Variants in DVL1 observed in about 807,000 individuals in gnomAD.
DVL1 encodes the protein dishevelled segment polarity protein 1, also known as segment polarity protein dishevelled homolog DVL-1.
A neutral mutation model predicts 65.0 loss-of-function variants in DVL1; 49 were observed. The observed-to-expected ratio is 0.75, with a 90% confidence interval of 0.60 to 0.96. The LOEUF (loss-of-function observed/expected upper bound fraction) is 0.96. Among genes scored for constraint, DVL1 ranks in the 40% least tolerant of loss-of-function variants. The pLI is 0.00. For missense variants in DVL1, 1,197 were observed against 1,045.4 expected, an observed-to-expected ratio of 1.15 and a Z score of -2.00; for synonymous variants, 608 against 433.9, an observed-to-expected ratio of 1.40 and a Z score of -4.99.
rs1643647511 is a variant in DVL1 at position 1,338,107 on chromosome 1, C to T, written c.1584G>A (p.Pro528=). ...CCTGACCCAGAGGCCAGGGGGCAGC[C>T]GGGTGGGGCAGCGGGGCCAGCGTGT... ...DQDTLAPLPH[P]AAPWPLGQGY... Residue 528 remains proline, a synonymous_variant, in exon 14 of 15, where the codon CCG becomes CCA. Transcript: ENST00000378888. 10 of 1,609,358 alleles carry T rather than the reference C, an allele frequency of 6.2e-6. No homozygotes were observed. Among genetic ancestry groups the T allele is most frequent in the African/African-American group, 1.3e-5 (1 of 74,710 alleles).
intron 13 of DVL1, 37 bp downstream of exon 13, chr1:1,338,232 C>T (rs748121596): frequency 1.1e-6 from 1 of 917,140 alleles, no homozygotes; most frequent in Non-Finnish European, 1.7e-6. Context: ...CCGGCGTTCC[C>T]CTCCCCCCCG....
At chr1:1,345,333 G>A (rs997123938) in intron 1 of DVL1, among the ~76,000 whole-genome samples, 1 of 152,226 alleles carries the variant, frequency 6.6e-6, no homozygotes, top group African/African-American at 2.4e-5. Flanking sequence ...CCAGGAGAAA[G>A]GGAGCAGGAC....
chr1:1,347,790 G>C (rs1643940469), intron 1 of DVL1, among the ~76,000 whole-genome samples: 1 of 152,160 alleles, frequency 6.6e-6, no homozygotes, highest in South Asian at 2.1e-4. Context: ...GGGCCGCTGA[G>C]CCGAGTGGGG....
Position 1,336,430 on chromosome 1 carries a change from A to T in DVL1, c.1800T>A (p.Ser600Arg), listed in dbSNP as rs1172160314. The T allele has an allele frequency of 2.5e-6, 4 of 1,592,314 alleles. No homozygotes were observed. The South Asian group carries it at 4.4e-5, about 18-fold the overall frequency. Reference protein sequence around the residue: ...KERRAAGAGGSGSESDHTAPS... With the variant: ...KERRAAGAGGRGSESDHTAPS... ...GTGCCGTGTGATCCGATTCACTGCCACTGCCCCCAGCTCCCGCCGCCCGAC... is the reference window on the plus strand; with the variant it reads ...GTGCCGTGTGATCCGATTCACTGCCTCTGCCCCCAGCTCCCGCCGCCCGAC... Residue 600 changes from serine (S) to arginine (R), a missense_variant, in exon 15 of 15, where the codon AGT (serine) becomes AGA (arginine). Coordinates refer to ENST00000378888, the MANE Select transcript of DVL1 (RefSeq NM_001330311.2).
chr1:1,342,603 C>A, intron 2 of DVL1, 86 bp downstream of exon 2: 1 of 1,584,408 alleles, frequency 6.3e-7, no homozygotes, highest in Non-Finnish European at 8.6e-7. Context: ...GCCAGGGCCT[C>A]CCCACACCCA....
rs1298837957 is a variant in DVL1 at position 1,339,540 on chromosome 1, C to A, written c.1054+42G>T. 9.6e-6 allele frequency: 15 copies of A among 1,570,642 alleles called. No homozygotes were observed. The South Asian group carries it at 1.4e-4, about 15-fold the overall frequency. On this transcript the variant is annotated intron_variant, in intron 10 of 14. Coordinates refer to ENST00000378888, the MANE Select transcript of DVL1 (RefSeq NM_001330311.2). ...GAGAGGCCTTCAGGCTAGGTAGGCG[C>A]CCCCTCCCCATCCCGCCCCGTGTGC...
In DVL1 at chr1:1,349,201, C is replaced by T. The variant is rs1400150948; in HGVS notation, c.-136G>A. On this transcript the variant is annotated 5_prime_UTR_variant, in exon 1 of 15. Transcript: ENST00000378888. This position sits in a 1 kb window ranked among gnomAD's most constrained non-coding sequence, Gnocchi z 4.1. Reference sequence around the variant, plus strand: ...CCCGACGCTCCGAGGCCCCCGGGCGCCCCCGCCCGACCGCCCAGGCCCCGG... The same window carrying T: ...CCCGACGCTCCGAGGCCCCCGGGCGTCCCCGCCCGACCGCCCAGGCCCCGG... The T allele has an allele frequency of 2.2e-6, 1 of 449,020 alleles. No homozygotes were observed. The allele number at this position is 449,020 out of a possible 1,614,324, so 27.8% of individuals were successfully genotyped here.
In DVL1 at chr1:1,336,514, C is replaced by G. The variant is rs773112898; in HGVS notation, c.1716G>C (p.Gly572=). Residue 572 remains glycine (G), a splice_region_variant and synonymous_variant, in exon 15 of 15, where the codon GGG becomes GGC. Coordinates refer to ENST00000378888, the MANE Select transcript of DVL1 (RefSeq NM_001330311.2). ...TCCGGGTGGACCCACTGCTTTTGCT[C>G]CCTGGGAGTGAGAACAGGATGGGGA... ...SGSTGSQQSE[G]SKSSGSTRSS... 8.6e-6 allele frequency: 13 copies of G among 1,509,110 alleles called. No homozygotes were observed. The highest frequency in any genetic ancestry group is 1.1e-5 in the Non-Finnish European group (13 of 1,137,852). The allele number at this position is 1,509,110 out of a possible 1,614,324, so 93.5% of individuals were successfully genotyped here.
At position 1,338,004 on chromosome 1, in the gene DVL1, C is replaced by T. The variant is rs774664222; in HGVS notation, c.1687G>A (p.Gly563Ser). Residue 563 changes from glycine to serine, a missense_variant, in exon 14 of 15, where the codon GGC becomes AGC. Physicochemically the swap from Gly to Ser is moderately conservative, Grantham distance 56. Transcript: ENST00000378888. ...TCACTCTGCTGACTCCCGGTGCTGC[C>T]GCTGCCATAGCTAAAGCCCGGGTCC... ...YQDPGFSYGSGSTGSQQSEGS... is the reference protein window; with the variant it reads ...YQDPGFSYGSSSTGSQQSEGS... 12 of 1,611,676 alleles carry T rather than the reference C, an allele frequency of 7.4e-6. No homozygotes were observed. The highest frequency in any genetic ancestry group is 2.2e-5 in the East Asian group (1 of 44,866).
Position 1,340,095 on chromosome 1 carries a change from C to T in DVL1, c.852G>A (p.Met284Ile), listed in dbSNP as rs1643738341. 6.2e-7 allele frequency: 1 copy of T among 1,613,384 alleles called. No homozygotes were observed. Among genetic ancestry groups the T allele is most frequent in the Non-Finnish European group, 8.5e-7 (1 of 1,180,002 alleles). Reference sequence around the variant, plus strand: ...CGTCAGCGGCCACAGCCCCGCCCTTCATGATGGAGCCAATGTAGATGCCGC... The same window carrying T: ...CGTCAGCGGCCACAGCCCCGCCCTTTATGATGGAGCCAATGTAGATGCCGC... ...GDGGIYIGSI[M>I]KGGAVAADGR... The change falls in exon 8 of 15, where the codon ATG becomes ATA. Residue 284 changes from methionine to isoleucine, a missense_variant. Physicochemically the swap from Met to Ile is conservative, Grantham distance 10 (BLOSUM62 1). Coordinates refer to ENST00000378888, the MANE Select transcript of DVL1 (RefSeq NM_001330311.2).
intron 14 of DVL1, chr1:1,337,054 G>A (rs1643601598): frequency 2.3e-5 from 23 of 988,608 alleles, no homozygotes; most frequent in Non-Finnish European, 2.6e-5. Context: ...TTCAGTCTAA[G>A]GCTTGTTTAG....
chr1:1,338,229 T>TGCCC, intron 13 of DVL1, 40 bp downstream of exon 13: 2 of 1,522,354 alleles, frequency 1.3e-6, no homozygotes, highest in Non-Finnish European at 1.8e-6. Flanking sequence ...CCTCCGGCGT[T>TGCCC]CCCCTCCCCC....
chr1:1,336,387 T>C lies in DVL1; in HGVS notation c.1843A>G (p.Ser615Gly), dbSNP rs779242416. 6 of 1,598,956 alleles carry C rather than the reference T, an allele frequency of 3.8e-6. No individual in the cohort carries two copies. The highest frequency in any genetic ancestry group is 1.7e-4 in the Middle Eastern group (1 of 6,038). The change falls in exon 15 of 15, where the codon AGC becomes GGC. Residue 615 changes from serine (S) to glycine (G), a missense_variant. Physicochemically the swap from Ser to Gly is moderately conservative, Grantham distance 56 (BLOSUM62 0). Coordinates refer to ENST00000378888, the MANE Select transcript of DVL1 (RefSeq NM_001330311.2). ...TGGCCGGCCGGACGCTCTCGCCAGC[T>C]GCTCCCCACCCCACTCGGTGCCGTG... ...DHTAPSGVGS[S>G]WRERPAGQLS...
chr1:1,343,945 G>A (rs1184222618), intron 1 of DVL1, among the ~76,000 whole-genome samples: 1 of 152,190 alleles, frequency 6.6e-6, no homozygotes, highest in Non-Finnish European at 1.5e-5. Context: ...TGGGAACGGG[G>A]CAGAGGGCAC....
intron 14 of DVL1, 60 bp downstream of exon 14, chr1:1,337,917 T>G (rs1284395402): frequency 3.0e-6 from 4 of 1,341,404 alleles, no homozygotes; most frequent in African/African-American, 1.5e-5. Context: ...GGAGCAGCAG[T>G]GGAGTGGGGC....
intron 1 of DVL1, among the ~76,000 whole-genome samples, chr1:1,344,048 G>A (rs3889966): frequency 0.17 from 26,264 of 152,086 alleles, 3,968 homozygotes; most frequent in East Asian, 0.79. Flanking sequence ...CAACCCACAC[G>A]GCACAGAGGG....
chr1:1,344,257 G>A lies in DVL1; in HGVS notation c.171-1499C>T, dbSNP rs146019859. Among the ~76,000 whole-genome samples, 40 of 152,336 alleles carry A rather than the reference G, an allele frequency of 2.6e-4. 1 individual carries two copies. Among genetic ancestry groups the A allele is most frequent in the African/African-American group, 8.4e-4 (35 of 41,582 alleles). Reference sequence around the variant, plus strand: ...AGTGGAGAAATAGGAGCCCGGAGACGGGGCTTGGCCTGGCCGCACACCTGG... The same window carrying A: ...AGTGGAGAAATAGGAGCCCGGAGACAGGGCTTGGCCTGGCCGCACACCTGG... On this transcript the variant is annotated intron_variant, in intron 1 of 14. Coordinates refer to ENST00000378888, the MANE Select transcript of DVL1 (RefSeq NM_001330311.2).
intron 1 of DVL1, among the ~76,000 whole-genome samples, chr1:1,347,356 C>T (rs1038260822): frequency 6.6e-6 from 1 of 152,166 alleles, no homozygotes; most frequent in Admixed American, 6.5e-5. Flanking sequence ...GGCCCGGGCA[C>T]CCACGCGTCC....
rs1210772916 is a variant in DVL1, at chr1:1,338,445, C to T, written c.1340-9G>A. The T allele has an allele frequency of 6.2e-7, 1 of 1,608,926 alleles. No individual in the cohort carries two copies. Among genetic ancestry groups the T allele is most frequent in the East Asian group, 2.2e-5 (1 of 44,762 alleles). The stretch of plus-strand genomic sequence containing the variant: ...GTCCACCACGTCCGCCCCTGGCCGG[C>T]ACCAGCGGTCAGCCCGCAGCCTCGA... On this transcript the variant is annotated splice_polypyrimidine_tract_variant and intron_variant, in intron 12 of 14. Coordinates refer to ENST00000378888, the MANE Select transcript of DVL1 (RefSeq NM_001330311.2).
Sources: gnomAD v4.1 joint callset for allele counts (sites outside exome capture counted in the v4.1 genomes callset) on GRCh38, gnomAD v4.1.1 for gene constraint, Gnocchi (gnomAD v3.1) non-coding constraint, MANE v1.5 for transcripts, NCBI Gene and HGNC (gene_info 2026-07-23, HGNC 2026-07-21) for gene names.